Variants in PEPD observed in about 807,000 individuals in gnomAD.
PEPD encodes the protein peptidase D.
Under a neutral mutation model 60.7 loss-of-function variants are expected in PEPD, and 53 were observed. The ratio of observed to expected loss-of-function variants is 0.87; its 90% confidence interval spans 0.70 to 1.10. The LOEUF is 1.10. Among genes scored for constraint, PEPD ranks in the 50% least tolerant of loss-of-function variants. PEPD has a pLI of 0.00. For missense variants in PEPD, 711 were observed against 711.9 expected (o/e 1.00, Z 0.01); for synonymous variants, 267 against 284.1 (o/e 0.94, Z 0.60).
At chr19:33,454,406 A>G (rs1303149653) in intron 9 of PEPD, among the ~76,000 whole-genome samples, 2 of 152,216 alleles carry the variant, frequency 1.3e-5, no homozygotes, top group Admixed American at 6.5e-5. Context: ...GTTTGAGACC[A>G]GCCTGGCCAA....
intron 9 of PEPD, among the ~76,000 whole-genome samples, chr19:33,428,587 C>A (rs1161909838): frequency 6.6e-6 from 1 of 152,240 alleles, no homozygotes; most frequent in Non-Finnish European, 1.5e-5. Context: ...GTGGGCCAGG[C>A]TGACGCCCCT....
At chr19:33,393,939 T>A (rs895318471) in intron 12 of PEPD, among the ~76,000 whole-genome samples, 3 of 152,242 alleles carry the variant, frequency 2.0e-5, no homozygotes, top group African/African-American at 4.8e-5. Flanking sequence ...ATAAAAGCTG[T>A]CCCCTCTCAG....
At chr19:33,489,367 A>G (rs1212453191) in intron 6 of PEPD, among the ~76,000 whole-genome samples, 3 of 152,276 alleles carry the variant, frequency 2.0e-5, no homozygotes, top group East Asian at 3.9e-4. Flanking sequence ...GGTGTCTCAC[A>G]TCTGTAATCC....
intron 9 of PEPD, among the ~76,000 whole-genome samples, chr19:33,462,749 G>A (rs1018119414): frequency 6.6e-5 from 10 of 152,216 alleles, no homozygotes; most frequent in Admixed American, 1.3e-4. Context: ...TCCGAGAGTA[G>A]AATGGTGGGG....
chr19:33,400,138 C>T (rs183649778), intron 12 of PEPD, among the ~76,000 whole-genome samples: 1 of 152,308 alleles, frequency 6.6e-6, no homozygotes, highest in East Asian at 1.9e-4. Flanking sequence ...CTGCCTGTCT[C>T]TCTGGAGGTC....
In PEPD at chr19:33,476,817, C is replaced by T. The variant is rs1454594221; in HGVS notation, c.548+1229G>A. 1.3e-5 allele frequency among the ~76,000 whole-genome samples: 2 copies of T among 152,120 alleles called. 1 individual carries two copies. The highest frequency in any genetic ancestry group is 4.8e-5 in the African/African-American group (2 of 41,418). ...GAGCTGGGACTACAGGTGCCCGCCA[C>T]CATGCCCTGCTAATTTTTGGTATTT... On this transcript the variant is annotated intron_variant, in intron 7 of 14. Transcript: ENST00000244137.
At chr19:33,476,724 C>T (rs189054730) in intron 7 of PEPD, among the ~76,000 whole-genome samples, 1,785 of 152,140 alleles carry the variant, frequency 0.012, 27 homozygotes, top group South Asian at 0.071. Flanking sequence ...AGTACAGTGG[C>T]GTGATCTCAG....
chr19:33,431,699 A>G (rs982084791), intron 9 of PEPD, among the ~76,000 whole-genome samples: 1 of 152,122 alleles, frequency 6.6e-6, no homozygotes, highest in Non-Finnish European at 1.5e-5. Flanking sequence ...CATGATCAAA[A>G]TGGGAAGATT....
At chr19:33,488,487 G>A (rs114985425) in intron 6 of PEPD, among the ~76,000 whole-genome samples, 1,691 of 152,236 alleles carry the variant, frequency 0.011, 35 homozygotes, top group African/African-American at 0.038. Flanking sequence ...AGGGAGTCCC[G>A]GGACTGGGAC....
chr19:33,471,126 A>G (rs1254480690), intron 7 of PEPD, among the ~76,000 whole-genome samples: 1 of 152,190 alleles, frequency 6.6e-6, no homozygotes, highest in Non-Finnish European at 1.5e-5. Context: ...GAAGTGGAAA[A>G]AAAAAATCAA....
At chr19:33,480,480 TAGAC>T (rs1600149085) in intron 6 of PEPD, among the ~76,000 whole-genome samples, 1 of 152,118 alleles carries the variant, frequency 6.6e-6, no homozygotes. Context: ...ATAAAACAAT[TAGAC>T]AGAAGATTAA....
intron 11 of PEPD, among the ~76,000 whole-genome samples, chr19:33,402,274 G>A (rs558326800): frequency 2.2e-4 from 34 of 152,268 alleles, no homozygotes; most frequent in African/African-American, 7.7e-4. Flanking sequence ...GCCTCCACCC[G>A]GCACCCCAAC....
chr19:33,495,791 G>C (rs1380200923), intron 4 of PEPD, among the ~76,000 whole-genome samples: 3 of 152,076 alleles, frequency 2.0e-5, no homozygotes, highest in Non-Finnish European at 4.4e-5. Context: ...TTCAAGACCA[G>C]CCTGGCCAAC....
chr19:33,442,542 T>TACAAA (rs199808014), intron 9 of PEPD, among the ~76,000 whole-genome samples: 13 of 97,216 alleles, frequency 1.3e-4, no homozygotes, highest in Middle Eastern at 6.5e-3. Context: ...CTACTAAAAA[T>TACAAA]AAAATAAAAA....
At chr19:33,429,299 G>C (rs1009151463) in intron 9 of PEPD, among the ~76,000 whole-genome samples, 9 of 151,908 alleles carry the variant, frequency 5.9e-5, no homozygotes, top group Admixed American at 1.3e-4. Context: ...CACCCCAAAG[G>C]CTACCCTATA....
intron 9 of PEPD, among the ~76,000 whole-genome samples, chr19:33,416,567 A>G (rs916514434): frequency 1.3e-5 from 2 of 151,960 alleles, no homozygotes; most frequent in Non-Finnish European, 2.9e-5. Context: ...TGGTACACAC[A>G]CCCCAGCCAG....
At chr19:33,475,106 CACCACATCT>C (rs1335606056) in intron 7 of PEPD, among the ~76,000 whole-genome samples, 1 of 152,012 alleles carries the variant, frequency 6.6e-6, no homozygotes, top group Admixed American at 6.6e-5. Context: ...AGTTAGGTTT[CACCACATCT>C]CCGTTTTACA....
chr19:33,504,796 A>AG (rs1384052391), intron 3 of PEPD, among the ~76,000 whole-genome samples: 1 of 151,248 alleles, frequency 6.6e-6, no homozygotes, highest in African/African-American at 2.4e-5. Context: ...TGGACTGGGG[A>AG]GGATGGGTCA....
At chr19:33,396,369 A>G (rs7247486) in intron 12 of PEPD, among the ~76,000 whole-genome samples, 69,056 of 151,922 alleles carry the variant, frequency 0.45, 16,855 homozygotes, top group African/African-American at 0.63. Flanking sequence ...GGGCCGGGGC[A>G]GGTGCTGCTG....
Sources: gnomAD v4.1 joint callset for allele counts (sites outside exome capture counted in the v4.1 genomes callset) on GRCh38, gnomAD v4.1.1 for gene constraint, MANE v1.5 for transcripts, NCBI Gene and HGNC (gene_info 2026-07-23, HGNC 2026-07-21) for gene names.